CDH12: variants seen among roughly 807,000 people sequenced by gnomAD.
The protein encoded by CDH12 is cadherin 12, also known as cadherin-12.
CDH12 carries 41 observed loss-of-function variants against 74.1 expected under a neutral mutation model. That is an observed-to-expected ratio of 0.55 (90% confidence interval 0.43 to 0.72). The LOEUF is 0.72. Ranked by LOEUF, CDH12 falls within the 30% of genes least tolerant of loss-of-function variation. CDH12 has a pLI of 0.00. For synonymous variants in CDH12, 399 were observed against 355.0 expected (o/e 1.12, Z -1.39); for missense variants, 945 against 977.2 (o/e 0.97, Z 0.44).
intron 1 of CDH12, among the ~76,000 whole-genome samples, chr5:22,613,435 C>G (rs1400905367): frequency 2.0e-5 from 3 of 152,072 alleles, no homozygotes; most frequent in Non-Finnish European, 2.9e-5. Flanking sequence ...TGGGCATACT[C>G]TGCAGGCTTT....
At chr5:22,233,671 G>C (rs576175784) in intron 3 of CDH12, among the ~76,000 whole-genome samples, 2 of 152,202 alleles carry the variant, frequency 1.3e-5, no homozygotes, top group African/African-American at 4.8e-5. Flanking sequence ...CAGTATTTTT[G>C]AACAACAGGA....
At chr5:22,720,706 T>C (rs1743836198) in intron 1 of CDH12, among the ~76,000 whole-genome samples, 1 of 152,132 alleles carries the variant, frequency 6.6e-6, no homozygotes, top group African/African-American at 2.4e-5. Flanking sequence ...TTGAATGGTT[T>C]TGACCAAAAT....
At chr5:22,399,317 A>T (rs1201789415) in intron 3 of CDH12, among the ~76,000 whole-genome samples, 1 of 152,112 alleles carries the variant, frequency 6.6e-6, no homozygotes, top group Non-Finnish European at 1.5e-5. Flanking sequence ...AGGATATGAC[A>T]CAAAGCAAAC....
At chr5:22,708,062 C>T (rs1193749114) in intron 1 of CDH12, among the ~76,000 whole-genome samples, 2 of 152,116 alleles carry the variant, frequency 1.3e-5, no homozygotes, top group Admixed American at 6.6e-5. Context: ...TCTAGATATG[C>T]TAACACATAG....
At chr5:22,087,584 T>A (rs982019769) in intron 4 of CDH12, among the ~76,000 whole-genome samples, 11 of 151,932 alleles carry the variant, frequency 7.2e-5, no homozygotes, top group African/African-American at 2.4e-4. Flanking sequence ...AAGGTTGCAG[T>A]GCGCCGCAAT....
intron 5 of CDH12, among the ~76,000 whole-genome samples, chr5:22,022,483 T>TC (rs1738055915): frequency 6.6e-6 from 1 of 152,082 alleles, no homozygotes; most frequent in Non-Finnish European, 1.5e-5. Context: ...CAATTAAACT[T>TC]CTTTTTTTTT....
intron 3 of CDH12, among the ~76,000 whole-genome samples, chr5:22,337,200 G>C (rs1739626455): frequency 6.6e-6 from 1 of 152,280 alleles, no homozygotes; most frequent in Middle Eastern, 3.4e-3. Flanking sequence ...ATTGTATCTA[G>C]GAAGTACCTA....
At position 21,754,634 on chromosome 5, in the gene CDH12, C is replaced by T. The variant is rs115651049; in HGVS notation, c.1885+957G>A. Among the ~76,000 whole-genome samples the T allele has an allele frequency of 6.5e-3, 995 of 152,170 alleles. 12 individuals are homozygous for T. Among genetic ancestry groups the T allele is most frequent in the African/African-American group, 0.022 (934 of 41,522 alleles). The stretch of plus-strand genomic sequence containing the variant: ...GCTCTCCACAAGCTACCATATAACG[C>T]GTTACTCCGTGCCTTTCATCTCACT... On this transcript the variant is annotated intron_variant, in intron 14 of 14. Coordinates refer to ENST00000382254, the MANE Select transcript of CDH12 (RefSeq NM_004061.5).
At chr5:22,262,840 A>C (rs1395319695) in intron 3 of CDH12, among the ~76,000 whole-genome samples, 7 of 152,036 alleles carry the variant, frequency 4.6e-5, no homozygotes, top group Admixed American at 6.6e-5. Flanking sequence ...TCATAGTGGG[A>C]TCTAATTAAA....
At chr5:22,064,202 G>T (rs1741399120) in intron 5 of CDH12, among the ~76,000 whole-genome samples, 1 of 152,130 alleles carries the variant, frequency 6.6e-6, no homozygotes. Flanking sequence ...ATATCTGGAA[G>T]ATTGACTTTT....
intron 3 of CDH12, among the ~76,000 whole-genome samples, chr5:22,362,324 G>A (rs1260823462): frequency 1.3e-5 from 2 of 152,178 alleles, no homozygotes; most frequent in Admixed American, 1.3e-4. Flanking sequence ...ACAGACACAT[G>A]AAAAAATGTT....
intron 1 of CDH12, among the ~76,000 whole-genome samples, chr5:22,793,220 A>C (rs1748009053): frequency 6.6e-6 from 1 of 152,202 alleles, no homozygotes; most frequent in Admixed American, 6.5e-5. Context: ...TCTTTCAGAG[A>C]GTTGTCTTTT....
chr5:22,105,697 A>AAAAATAAAAT (rs561684972), intron 4 of CDH12, among the ~76,000 whole-genome samples: 13 of 151,148 alleles, frequency 8.6e-5, no homozygotes, highest in South Asian at 4.2e-4. Flanking sequence ...TATTCTGTTA[A>AAAAATAAAAT]AAAATAAAAT....
chr5:22,582,605 A>G (rs1425527403), intron 1 of CDH12, among the ~76,000 whole-genome samples: 2 of 152,256 alleles, frequency 1.3e-5, no homozygotes, highest in Admixed American at 6.5e-5. Context: ...GTCATAATCA[A>G]TTTCTAAAAT....
chr5:22,499,075 T>G (rs1364530962), intron 2 of CDH12, among the ~76,000 whole-genome samples: 1 of 151,496 alleles, frequency 6.6e-6, no homozygotes, highest in Non-Finnish European at 1.5e-5. Context: ...GGCTAATTTT[T>G]TTTTTTTTTG....
chr5:22,629,497 C>T lies in CDH12; in HGVS notation c.-522-124133G>A, dbSNP rs143957466. On this transcript the variant is annotated intron_variant, in intron 1 of 14. Coordinates refer to ENST00000382254, the MANE Select transcript of CDH12 (RefSeq NM_004061.5). ...AATCTGATTTATTACATAAACAGAACTAAAAACAAAACCACACGATCATCT... is the reference window on the plus strand; with the variant it reads ...AATCTGATTTATTACATAAACAGAATTAAAAACAAAACCACACGATCATCT... Among the ~76,000 whole-genome samples, 550 of 152,138 alleles carry T rather than the reference C, an allele frequency of 3.6e-3. 1 individual carries two copies. Among genetic ancestry groups the T allele is most frequent in the African/African-American group, 0.01 (424 of 41,528 alleles).
intron 6 of CDH12, among the ~76,000 whole-genome samples, chr5:21,867,608 CT>C (rs1171405234): frequency 2.6e-5 from 4 of 152,174 alleles, no homozygotes; most frequent in Non-Finnish European, 5.9e-5. Flanking sequence ...CCTGTAGCCC[CT>C]TTGTTTTGGC....
intron 3 of CDH12, among the ~76,000 whole-genome samples, chr5:22,402,418 C>A (rs1742765243): frequency 6.6e-6 from 1 of 152,102 alleles, no homozygotes; most frequent in South Asian, 2.1e-4. Flanking sequence ...TGTAACAAAC[C>A]AGATCCTTGC....
At chr5:22,762,870 T>C (rs888927460) in intron 1 of CDH12, among the ~76,000 whole-genome samples, 2 of 152,156 alleles carry the variant, frequency 1.3e-5, no homozygotes, top group Middle Eastern at 3.4e-3. Context: ...CAAGATCTTT[T>C]CTGCACACAA....
Sources: allele counts gnomAD v4.1 joint callset (sites outside exome capture counted in the v4.1 genomes callset), GRCh38; gene constraint gnomAD v4.1.1; transcripts MANE v1.5; gene names NCBI Gene and HGNC (gene_info 2026-07-23, HGNC 2026-07-21).